Variants in DACH2 observed in about 807,000 individuals in gnomAD.
The protein encoded by DACH2 is dachshund family transcription factor 2.
In DACH2, 17 loss-of-function variants were observed where a neutral mutation model predicts 35.8. The ratio of observed to expected loss-of-function variants is 0.48; its 90% CI spans 0.33 to 0.71. The LOEUF is 0.71. Ranked by LOEUF, DACH2 falls within the 30% of genes least tolerant of loss-of-function variation. DACH2 has a pLI of 0.02. For missense variants in DACH2, 469 were observed against 472.7 expected (o/e 0.99, Z 0.07); for synonymous variants, 195 against 177.3 (o/e 1.10, Z -0.79).
chrX:86,483,987 T>G (rs976946380), intron 2 of DACH2, among the ~76,000 whole-genome samples: 7 of 111,817 alleles, frequency 6.3e-5, no homozygotes, highest in African/African-American at 2.3e-4. Flanking sequence ...CATATATGTA[T>G]GTACACACCA....
intron 2 of DACH2, among the ~76,000 whole-genome samples, chrX:86,413,447 A>G (rs1417600009): frequency 8.9e-6 from 1 of 111,801 alleles, no homozygotes; most frequent in Non-Finnish European, 1.9e-5. Flanking sequence ...CAATGAAACC[A>G]CATCTGGTAC....
rs1039510591 is a variant in DACH2 at position 86,331,076 on chromosome X, G to A, written c.489-45748G>A. ...AGAGAATTATGATTCAAACCAGTTGGACTGTAAAGTATAAAACACCAGCCT... is the reference window on the plus strand; with the variant it reads ...AGAGAATTATGATTCAAACCAGTTGAACTGTAAAGTATAAAACACCAGCCT... On this transcript the variant is annotated intron_variant, in intron 1 of 11. Transcript: ENST00000373125. 1.4e-4 allele frequency among the ~76,000 whole-genome samples: 16 copies of A among 111,670 alleles called. No homozygotes were observed. The Admixed American group carries it at 1.5e-3, about 11-fold the overall frequency.
chrX:86,544,534 G>A (rs2038931333), intron 3 of DACH2, among the ~76,000 whole-genome samples: 1 of 111,011 alleles, frequency 9.0e-6, no homozygotes, highest in African/African-American at 3.3e-5. Context: ...TTTTATTTCT[G>A]GCCAAACTAA....
chrX:86,261,496 T>A (rs1188679200), intron 1 of DACH2, among the ~76,000 whole-genome samples: 1 of 112,021 alleles, frequency 8.9e-6, no homozygotes, highest in East Asian at 2.8e-4. Flanking sequence ...TACTGCCTTG[T>A]GGCTTTCCAA....
Position 86,695,066 on chromosome X carries a change from T to C in DACH2, c.818T>C (p.Phe273Ser). The change falls in exon 5 of 12, where the codon TTT becomes TCT. Residue 273 changes from phenylalanine to serine, a missense_variant. Around this residue, in one of 3 missense-constraint regions of DACH2, gnomAD observed 363 missense variants for 334.4 expected, o/e 1.09. Transcript: ENST00000373125. The part of the protein sequence containing the change: ...SWDKDKMQSP[F>S]AAPGPQHGIA... Reference sequence around the variant, plus strand: ...GATAAAGATAAGATGCAGTCTCCATTTGCTGCACCTGGACCCCAACATGGA... The same window carrying C: ...GATAAAGATAAGATGCAGTCTCCATCTGCTGCACCTGGACCCCAACATGGA... 8.8e-7 allele frequency: 1 copy of C among 1,142,627 alleles called. No homozygotes were observed. Among genetic ancestry groups the C allele is most frequent in the Non-Finnish European group, 1.2e-6 (1 of 859,512 alleles). 94.2% of individuals were successfully genotyped at this position (1,142,627 alleles called of 1,213,427 possible). A position where few individuals can be genotyped will look rare whatever the true frequency, so the allele number is the denominator to read the frequency against.
intron 5 of DACH2, among the ~76,000 whole-genome samples, chrX:86,698,328 AC>A: frequency 9.2e-6 from 1 of 109,286 alleles, no homozygotes; most frequent in Non-Finnish European, 1.9e-5. Context: ...ACTTTCTCAA[AC>A]AAAAATTGAG....
intron 4 of DACH2, among the ~76,000 whole-genome samples, chrX:86,692,337 T>C (rs1293795872): frequency 9.0e-6 from 1 of 110,986 alleles, no homozygotes; most frequent in Non-Finnish European, 1.9e-5. Context: ...ATACATTAGG[T>C]GTATCTCCTA....
At chrX:86,460,088 A>C (rs1347094159) in intron 2 of DACH2, among the ~76,000 whole-genome samples, 4 of 111,037 alleles carry the variant, frequency 3.6e-5, no homozygotes, top group African/African-American at 9.8e-5. Context: ...TCAAAAGCTG[A>C]AAACCTTAGC....
intron 1 of DACH2, among the ~76,000 whole-genome samples, chrX:86,285,774 T>G (rs1245362481): frequency 4.5e-5 from 5 of 111,892 alleles, no homozygotes; most frequent in Non-Finnish European, 9.4e-5. Context: ...TATTGAAGTC[T>G]CCAATTATTA....
intron 5 of DACH2, among the ~76,000 whole-genome samples, chrX:86,706,437 A>G (rs2041217524): frequency 9.0e-6 from 1 of 111,029 alleles, no homozygotes; most frequent in Non-Finnish European, 1.9e-5. Flanking sequence ...ATGGAATAAG[A>G]CTAATTGTAA....
intron 3 of DACH2, among the ~76,000 whole-genome samples, chrX:86,527,309 G>C (rs978335026): frequency 3.6e-5 from 4 of 111,672 alleles, no homozygotes; most frequent in African/African-American, 1.3e-4. Context: ...TCAAGATAGT[G>C]AGCATACTCA....
chrX:86,368,969 G>T (rs1182590591), intron 1 of DACH2, among the ~76,000 whole-genome samples: 1 of 111,144 alleles, frequency 9.0e-6, no homozygotes, highest in Admixed American at 9.7e-5. Context: ...TACTGAATCA[G>T]ATTAAAAACT....
At chrX:86,454,332 G>A (rs2037436052) in intron 2 of DACH2, among the ~76,000 whole-genome samples, 1 of 111,394 alleles carries the variant, frequency 9.0e-6, no homozygotes, top group African/African-American at 3.3e-5. Context: ...TTCTTGCTAT[G>A]TTGGGGAAGT....
At chrX:86,259,395 T>C (rs1341503104) in intron 1 of DACH2, among the ~76,000 whole-genome samples, 1 of 111,667 alleles carries the variant, frequency 9.0e-6, no homozygotes, top group Non-Finnish European at 1.9e-5. Context: ...ATTCGTTTAT[T>C]CAATGATTTA....
intron 3 of DACH2, among the ~76,000 whole-genome samples, chrX:86,626,936 C>T (rs1048517268): frequency 8.9e-6 from 1 of 112,614 alleles, no homozygotes; most frequent in Non-Finnish European, 1.9e-5. Flanking sequence ...TTCCCATTAT[C>T]TTGGTGATTT....
In DACH2 at chrX:86,706,675, G is replaced by T. The variant is rs371310416; in HGVS notation, c.932-7873G>T. 6.7e-4 allele frequency among the ~76,000 whole-genome samples: 74 copies of T among 110,364 alleles called. 2 individuals are homozygous for T. The South Asian group carries it at 0.025, about 38-fold the overall frequency. On this transcript the variant is annotated intron_variant, in intron 5 of 11. Transcript: ENST00000373125. ...CAGTCATAATGGAATTAAACGAGAAGCCAATAACAGAAAGACAGCTGTAAA... is the reference window on the plus strand; with the variant it reads ...CAGTCATAATGGAATTAAACGAGAATCCAATAACAGAAAGACAGCTGTAAA...
intron 1 of DACH2, among the ~76,000 whole-genome samples, chrX:86,330,536 G>T (rs1018276341): frequency 9.0e-6 from 1 of 111,331 alleles, no homozygotes; most frequent in Non-Finnish European, 1.9e-5. Flanking sequence ...GCAAGAGCTT[G>T]GTCTTACTGT....
intron 1 of DACH2, among the ~76,000 whole-genome samples, chrX:86,152,325 G>C (rs1195831589): frequency 9.0e-6 from 1 of 110,705 alleles, no homozygotes. Context: ...ACACAAAGTG[G>C]ACTGTTTTCA....
intron 1 of DACH2, among the ~76,000 whole-genome samples, chrX:86,273,208 AT>A (rs1259543756): frequency 3.6e-5 from 4 of 112,019 alleles, no homozygotes; most frequent in South Asian, 3.7e-4. Flanking sequence ...AACATTATGT[AT>A]TTTTTTACCA....
Sources: allele counts gnomAD v4.1 joint callset (sites outside exome capture counted in the v4.1 genomes callset), GRCh38; gene constraint gnomAD v4.1.1; regional missense constraint gnomAD v4.1.1; transcripts MANE v1.5; gene names NCBI Gene and HGNC (gene_info 2026-07-23, HGNC 2026-07-21).